Variants in XYLT1 observed in about 807,000 individuals in gnomAD.
XYLT1 encodes beta-D-xylosyltransferase 1.
A neutral mutation model predicts 91.3 loss-of-function variants in XYLT1; 36 were observed. That is an observed-to-expected ratio of 0.39 (90% confidence interval 0.30 to 0.52). XYLT1 has a LOEUF of 0.52. Ranked by LOEUF, XYLT1 falls within the 20% of genes least tolerant of loss-of-function variation. The probability of loss-of-function intolerance (pLI) is 0.68; values close to 1 mark genes in which losing one functional copy is unlikely to be tolerated. For missense variants in XYLT1, 1,242 were observed against 1,284.5 expected (o/e 0.97, Z 0.51); for synonymous variants, 588 against 532.0 (o/e 1.11, Z -1.45).
intron 5 of XYLT1, among the ~76,000 whole-genome samples, chr16:17,178,207 G>A (rs1411713630): frequency 6.6e-6 from 1 of 152,174 alleles, no homozygotes; most frequent in African/African-American, 2.4e-5. Context: ...TGATGGGTGA[G>A]CTGTGTTTCA....
chr16:17,431,576 G>A (rs2036392034), intron 1 of XYLT1, among the ~76,000 whole-genome samples: 1 of 152,112 alleles, frequency 6.6e-6, no homozygotes, highest in Non-Finnish European at 1.5e-5. Flanking sequence ...CTTCAGAAGG[G>A]GAATACCATG....
intron 3 of XYLT1, among the ~76,000 whole-genome samples, chr16:17,209,765 T>G (rs1312262768): frequency 2.6e-5 from 4 of 152,220 alleles, no homozygotes; most frequent in Admixed American, 2.6e-4. Flanking sequence ...ACAGCCTGAT[T>G]GTGGAGGAGT....
intron 2 of XYLT1, among the ~76,000 whole-genome samples, chr16:17,285,612 C>CTGCTG (rs1388546796): frequency 6.6e-6 from 1 of 152,210 alleles, no homozygotes; most frequent in Non-Finnish European, 1.5e-5. Flanking sequence ...GCCCTGCTTT[C>CTGCTG]TGCTGATGTT....
At position 17,104,897 on chromosome 16, in the gene XYLT1, A is replaced by G. The variant is rs1447856800; in HGVS notation, c.*3798T>C. ...CTCACACCAACCATTTCACGCATCT[A>G]TGCTAGTATTCTGGGCCCCATAAAC... On this transcript the variant is annotated 3_prime_UTR_variant, in exon 12 of 12. Coordinates refer to ENST00000261381, the MANE Select transcript of XYLT1 (RefSeq NM_022166.4). 1 of 152,124 alleles carries G rather than the reference A, an allele frequency of 6.6e-6. No homozygotes were observed. The highest frequency in any genetic ancestry group is 1.5e-5 in the Non-Finnish European group (1 of 68,076). The allele number at this position is 152,124 out of a possible 1,614,324, so 9.4% of individuals were successfully genotyped here.
chr16:17,112,118 T>C (rs533513828), intron 11 of XYLT1, among the ~76,000 whole-genome samples: 1 of 152,282 alleles, frequency 6.6e-6, no homozygotes, highest in South Asian at 2.1e-4. Context: ...ATATTGTGGT[T>C]GATGCAAAAA....
At chr16:17,456,332 C>CTTTTT (rs869026409) in intron 1 of XYLT1, among the ~76,000 whole-genome samples, 9 of 114,170 alleles carry the variant, frequency 7.9e-5, no homozygotes, top group East Asian at 2.3e-4. Flanking sequence ...CAGTACAAAC[C>CTTTTT]TTTTTTTTTT....
intron 1 of XYLT1, among the ~76,000 whole-genome samples, chr16:17,359,311 C>T (rs1359785692): frequency 6.6e-6 from 1 of 152,154 alleles, no homozygotes; most frequent in Non-Finnish European, 1.5e-5. Context: ...TGCAAATTAG[C>T]ACCAGCCCAT....
chr16:17,242,673 A>T (rs2033365673), intron 3 of XYLT1, among the ~76,000 whole-genome samples: 1 of 152,228 alleles, frequency 6.6e-6, no homozygotes, highest in African/African-American at 2.4e-5. Context: ...AGTGCACAAT[A>T]GTGTTAAGTA....
At chr16:17,456,856 A>T (rs926281160) in intron 1 of XYLT1, among the ~76,000 whole-genome samples, 2 of 152,230 alleles carry the variant, frequency 1.3e-5, no homozygotes, top group Non-Finnish European at 2.9e-5. Context: ...CAGCAGCCAC[A>T]TCATAAGGCT....
At chr16:17,450,496 T>A (rs898722354) in intron 1 of XYLT1, among the ~76,000 whole-genome samples, 3 of 152,086 alleles carry the variant, frequency 2.0e-5, no homozygotes, top group African/African-American at 7.2e-5. Context: ...AAAGGACACG[T>A]GGGTCACACA....
intron 5 of XYLT1, among the ~76,000 whole-genome samples, chr16:17,173,204 A>G (rs193102209): frequency 6.6e-6 from 1 of 152,224 alleles, no homozygotes; most frequent in East Asian, 1.9e-4. Context: ...TAAAAACAGG[A>G]TCGTATTATA....
intron 1 of XYLT1, among the ~76,000 whole-genome samples, chr16:17,463,464 A>C (rs1332173536): frequency 6.6e-6 from 1 of 152,216 alleles, no homozygotes; most frequent in Non-Finnish European, 1.5e-5. Context: ...ATGGATATAT[A>C]AAAAAATGCA....
At chr16:17,151,546 G>A (rs540017078) in intron 6 of XYLT1, among the ~76,000 whole-genome samples, 70 of 152,256 alleles carry the variant, frequency 4.6e-4, no homozygotes, top group Middle Eastern at 3.4e-3. Flanking sequence ...AAATGGGCAC[G>A]ATGATGATCG....
At chr16:17,210,754 T>C (rs572755754) in intron 3 of XYLT1, among the ~76,000 whole-genome samples, 4 of 152,312 alleles carry the variant, frequency 2.6e-5, no homozygotes, top group Non-Finnish European at 5.9e-5. Flanking sequence ...AGGATTCACA[T>C]GCTGCTCACA....
rs535109999 is a variant in XYLT1 at position 17,230,431 on chromosome 16, C to T, written c.913+28557G>A. On this transcript the variant is annotated intron_variant, in intron 3 of 11. Transcript: ENST00000261381. The stretch of plus-strand genomic sequence containing the variant: ...AGTTCCGATGTCCCCATTTTAACAG[C>T]ATTTCCTGATATTGGCCACTCTAAG... Among the ~76,000 whole-genome samples the T allele has an allele frequency of 1.6e-4, 25 of 152,268 alleles. No individual in the cohort carries two copies. In the South Asian group the frequency reaches 4.2e-3, roughly 25 times the overall value.
intron 3 of XYLT1, among the ~76,000 whole-genome samples, chr16:17,236,492 C>T (rs74010750): frequency 0.12 from 18,514 of 151,478 alleles, 1,191 homozygotes; most frequent in African/African-American, 0.13. Flanking sequence ...TGATGTGGGA[C>T]TGTGACCTCA....
intron 2 of XYLT1, among the ~76,000 whole-genome samples, 162 bp from the exon 3 acceptor site, chr16:17,259,660 G>C (rs2033693420): frequency 6.6e-6 from 1 of 152,128 alleles, no homozygotes; most frequent in Admixed American, 6.5e-5. Flanking sequence ...GCTCTCTCTG[G>C]ACCTCAGTTT....
intron 1 of XYLT1, among the ~76,000 whole-genome samples, chr16:17,405,922 C>T (rs886109597): frequency 3.3e-5 from 5 of 152,168 alleles, no homozygotes; most frequent in Non-Finnish European, 5.9e-5. Context: ...TGGTGACTCA[C>T]GCCTGAAATC....
chr16:17,318,790 C>CTTTTTTTTT (rs58376375), intron 2 of XYLT1, among the ~76,000 whole-genome samples: 2 of 142,642 alleles, frequency 1.4e-5, no homozygotes, highest in Non-Finnish European at 1.5e-5. Flanking sequence ...TCTGCTTACT[C>CTTTTTTTTT]TTTTTTTTTT....
Sources: allele counts gnomAD v4.1 joint callset (sites outside exome capture counted in the v4.1 genomes callset), GRCh38; gene constraint gnomAD v4.1.1; transcripts MANE v1.5; gene names NCBI Gene and HGNC (gene_info 2026-07-23, HGNC 2026-07-21).